Variants in GBE1 observed in about 807,000 individuals in gnomAD.
GBE1 encodes 1,4-alpha-glucan-branching enzyme.
Under a neutral mutation model 88.8 loss-of-function variants are expected in GBE1, and 70 were observed. The ratio of observed to expected loss-of-function variants is 0.79; its 90% CI spans 0.65 to 0.96. The LOEUF is 0.96. Among genes scored for constraint, GBE1 ranks in the 40% least tolerant of loss-of-function variants. The probability of loss-of-function intolerance (pLI) is 0.00; values close to 1 mark genes in which losing one functional copy is unlikely to be tolerated. For missense variants in GBE1, 872 were observed against 871.0 expected, an observed-to-expected ratio of 1.00 and a Z score of -0.01; for synonymous variants, 284 against 300.1, an observed-to-expected ratio of 0.95 and a Z score of 0.56.
At chr3:81,627,048 C>T (rs1235250894) in intron 7 of GBE1, among the ~76,000 whole-genome samples, 2 of 152,124 alleles carry the variant, frequency 1.3e-5, no homozygotes, top group African/African-American at 2.4e-5. Context: ...CTATAATAAA[C>T]CTGGATGCCA....
At chr3:81,500,314 C>G (rs896066919) in intron 14 of GBE1, among the ~76,000 whole-genome samples, 1 of 151,954 alleles carries the variant, frequency 6.6e-6, no homozygotes, top group Non-Finnish European at 1.5e-5. Context: ...TTTAAAGTCA[C>G]TCAATATAGC....
chr3:81,644,123 C>T (rs999845889), intron 6 of GBE1, among the ~76,000 whole-genome samples: 8 of 151,972 alleles, frequency 5.3e-5, no homozygotes, highest in Admixed American at 2.0e-4. Context: ...AAGTCATCTA[C>T]CACGTACCAT....
At chr3:81,691,756 G>A (rs1156618827) in intron 2 of GBE1, among the ~76,000 whole-genome samples, 1 of 152,168 alleles carries the variant, frequency 6.6e-6, no homozygotes, top group Non-Finnish European at 1.5e-5. Context: ...CTAGGTGACA[G>A]AGCAAGACCA....
intron 2 of GBE1, among the ~76,000 whole-genome samples, chr3:81,704,560 G>A (rs994960371): frequency 6.6e-6 from 1 of 151,790 alleles, no homozygotes; most frequent in South Asian, 2.1e-4. Flanking sequence ...TTTCTAAAAC[G>A]TCATAAAAAT....
At chr3:81,723,718 T>C (rs1164070937) in intron 1 of GBE1, among the ~76,000 whole-genome samples, 1 of 152,038 alleles carries the variant, frequency 6.6e-6, no homozygotes, top group Admixed American at 6.5e-5. Flanking sequence ...ACGTACTCAT[T>C]CTCTGCTAAG....
chr3:81,595,001 A>G (rs1436786146), intron 7 of GBE1, among the ~76,000 whole-genome samples: 4 of 151,902 alleles, frequency 2.6e-5, no homozygotes, highest in African/African-American at 9.7e-5. Flanking sequence ...ATAATCTGAC[A>G]TAAATGAAGA....
At chr3:81,534,032 T>C (rs1448445825) in intron 14 of GBE1, among the ~76,000 whole-genome samples, 2 of 151,930 alleles carry the variant, frequency 1.3e-5, no homozygotes, top group Non-Finnish European at 2.9e-5. Flanking sequence ...GCCAGCTGAG[T>C]AGGAGGGTTT....
intron 1 of GBE1, among the ~76,000 whole-genome samples, chr3:81,754,124 A>C (rs1706570783): frequency 1.3e-5 from 2 of 152,326 alleles, no homozygotes; most frequent in South Asian, 4.1e-4. Context: ...CAGAATACAA[A>C]ATCGAAATAT....
At chr3:81,726,368 T>C (rs912638995) in intron 1 of GBE1, among the ~76,000 whole-genome samples, 2 of 152,136 alleles carry the variant, frequency 1.3e-5, no homozygotes, top group Middle Eastern at 3.4e-3. Context: ...TTGCTGGAAG[T>C]AAGAGGGAGA....
chr3:81,665,271 C>T (rs1353687565), intron 3 of GBE1, among the ~76,000 whole-genome samples: 3 of 152,098 alleles, frequency 2.0e-5, no homozygotes, highest in Admixed American at 6.6e-5. Context: ...TGGTGGCTCA[C>T]GCTTGTAATC....
chr3:81,642,285 A>G (rs1704694479), intron 7 of GBE1, among the ~76,000 whole-genome samples: 1 of 152,096 alleles, frequency 6.6e-6, no homozygotes. Context: ...GGTAGCTAAT[A>G]TATCTAAAAC....
At chr3:81,595,597 G>A (rs1703946150) in intron 7 of GBE1, among the ~76,000 whole-genome samples, 1 of 151,906 alleles carries the variant, frequency 6.6e-6, no homozygotes, top group Non-Finnish European at 1.5e-5. Context: ...TAAGTAAAGG[G>A]AAAGATAAGT....
chr3:81,663,846 C>A (rs13433893), intron 3 of GBE1, among the ~76,000 whole-genome samples: 12,946 of 152,124 alleles, frequency 0.085, 1,152 homozygotes, highest in African/African-American at 0.22. Context: ...GTGAGCCACA[C>A]CCCCATCGCG....
At chr3:81,645,541 G>A (rs1162308476) in intron 6 of GBE1, among the ~76,000 whole-genome samples, 1 of 152,188 alleles carries the variant, frequency 6.6e-6, no homozygotes, top group Non-Finnish European at 1.5e-5. Context: ...GAAAGAACCA[G>A]AGTGGAGGAT....
chr3:81,684,258 C>A (rs774581050), intron 2 of GBE1, among the ~76,000 whole-genome samples: 2 of 152,214 alleles, frequency 1.3e-5, no homozygotes, highest in African/African-American at 2.4e-5. Flanking sequence ...ACGTATACAA[C>A]AATCTAGATT....
intron 14 of GBE1, among the ~76,000 whole-genome samples, chr3:81,527,633 C>T (rs986579905): frequency 6.6e-6 from 1 of 151,998 alleles, no homozygotes; most frequent in African/African-American, 2.4e-5. Flanking sequence ...TCATCACTGG[C>T]CATCAGAGAA....
intron 7 of GBE1, among the ~76,000 whole-genome samples, chr3:81,600,387 T>A (rs1209931490): frequency 6.6e-6 from 1 of 152,212 alleles, no homozygotes; most frequent in Non-Finnish European, 1.5e-5. Context: ...ATTATGTGTA[T>A]GTATTTATTT....
chr3:81,631,006 C>T (rs1419358655), intron 7 of GBE1, among the ~76,000 whole-genome samples: 1 of 152,006 alleles, frequency 6.6e-6, no homozygotes, highest in African/African-American at 2.4e-5. Context: ...AGGTGGAGAC[C>T]AGCCTGGGCA....
chr3:81,717,955 TTTTATTTA>T (rs57810073), intron 1 of GBE1, among the ~76,000 whole-genome samples: 61,943 of 146,838 alleles, frequency 0.42, 13,924 homozygotes, highest in East Asian at 0.85. Context: ...GGAAATTTTA[TTTTATTTA>T]TTTATTTATT....
Sources: allele counts gnomAD v4.1 joint callset (sites outside exome capture counted in the v4.1 genomes callset), GRCh38; gene constraint gnomAD v4.1.1; transcripts MANE v1.5; gene names NCBI Gene and HGNC (gene_info 2026-07-23, HGNC 2026-07-21).